The following CREB5 variants were observed in gnomAD, a reference collection of about 807,000 sequenced individuals.
The protein encoded by CREB5 is cyclic AMP-responsive element-binding protein 5.
CREB5 carries 19 observed loss-of-function variants against 57.1 expected under a neutral mutation model. The ratio of observed to expected loss-of-function variants is 0.33; its 90% confidence interval spans 0.23 to 0.49. CREB5 has a LOEUF of 0.49. Among genes scored for constraint, CREB5 ranks in the 20% least tolerant of loss-of-function variants. The probability of loss-of-function intolerance (pLI) is 0.99; values close to 1 mark genes in which losing one functional copy is unlikely to be tolerated. For synonymous variants in CREB5, 238 were observed against 238.3 expected (o/e 1.00, Z 0.01); for missense variants, 579 against 671.6 (o/e 0.86, Z 1.52).
At chr7:28,806,148 G>GA in intron 8 of CREB5, among the ~76,000 whole-genome samples, 1 of 152,256 alleles carries the variant, frequency 6.6e-6, no homozygotes, top group Non-Finnish European at 1.5e-5. Flanking sequence ...ACAATTCTTT[G>GA]AATATAAAAG....
intron 10 of CREB5, 46 bp downstream of exon 10, chr7:28,818,225 T>G: frequency 7.2e-7 from 1 of 1,394,440 alleles, no homozygotes; most frequent in Non-Finnish European, 1.0e-6. Context: ...CAATATTTTT[T>G]GCCACTAAGT....
intron 5 of CREB5, among the ~76,000 whole-genome samples, chr7:28,574,181 A>G (rs752863090): frequency 2.6e-5 from 4 of 152,218 alleles, no homozygotes; most frequent in Non-Finnish European, 5.9e-5. Context: ...AAAAAGAGTG[A>G]GCCATGGGCT....
At chr7:28,315,663 C>T (rs1302051676) in intron 1 of CREB5, among the ~76,000 whole-genome samples, 2 of 152,176 alleles carry the variant, frequency 1.3e-5, no homozygotes, top group Admixed American at 6.5e-5. Context: ...TGACCTCGTC[C>T]CGACGCGTTG....
intron 1 of CREB5, among the ~76,000 whole-genome samples, chr7:28,388,008 G>A (rs1787145352): frequency 6.6e-6 from 1 of 152,106 alleles, no homozygotes; most frequent in South Asian, 2.1e-4. Flanking sequence ...CAATCATGGA[G>A]CCTATTTCCT....
intron 5 of CREB5, among the ~76,000 whole-genome samples, chr7:28,640,360 A>G (rs75235966): frequency 0.015 from 2,285 of 152,342 alleles, 68 homozygotes; most frequent in African/African-American, 0.052. Context: ...CAAATGCCCA[A>G]AACACTATGA....
chr7:28,485,304 G>T (rs914390969), intron 1 of CREB5, among the ~76,000 whole-genome samples: 2 of 152,022 alleles, frequency 1.3e-5, no homozygotes, highest in African/African-American at 4.8e-5. Context: ...GGCCATAAAT[G>T]TGCGTATATG....
chr7:28,462,958 G>T (rs933996662), intron 1 of CREB5, among the ~76,000 whole-genome samples: 1 of 151,792 alleles, frequency 6.6e-6, no homozygotes, highest in African/African-American at 2.4e-5. Flanking sequence ...TTTTGTTGCT[G>T]GTACTTTTAG....
chr7:28,408,075 G>A (rs1787625346), upstream of CREB5, among the ~76,000 whole-genome samples: 1 of 152,200 alleles, frequency 6.6e-6, no homozygotes, highest in Admixed American at 6.5e-5. Context: ...GCTTACCCCT[G>A]GCTCTATGAA....
At chr7:28,522,395 T>TG in intron 4 of CREB5, among the ~76,000 whole-genome samples, 1 of 147,622 alleles carries the variant, frequency 6.8e-6, no homozygotes, top group South Asian at 2.2e-4. Flanking sequence ...TCTTTGTTTT[T>TG]TTTTTTTTTT....
Position 28,361,481 on chromosome 7 carries a change from A to C in CREB5, c.-25+62040A>C, listed in dbSNP as rs574219606. Among the ~76,000 whole-genome samples, 64 of 152,346 alleles carry C rather than the reference A, an allele frequency of 4.2e-4. 1 individual carries two copies. Among genetic ancestry groups the C allele is most frequent in the Non-Finnish European group, 3.4e-4 (23 of 68,016 alleles). On this transcript the variant is annotated intron_variant, in intron 1 of 9. Coordinates refer to the CREB5 transcript ENST00000396299. Reference sequence around the variant, plus strand: ...GAGGCCACATCCTTTTCCCTGCCCCAGCCCAGCTAGGTGGTGGGCATATGA... The same window carrying C: ...GAGGCCACATCCTTTTCCCTGCCCCCGCCCAGCTAGGTGGTGGGCATATGA...
chr7:28,664,684 C>T (rs1562558060), intron 5 of CREB5, among the ~76,000 whole-genome samples: 3 of 152,018 alleles, frequency 2.0e-5, no homozygotes, highest in South Asian at 2.1e-4. Flanking sequence ...TTCAGCATGC[C>T]GTCTGTTTTT....
chr7:28,536,987 C>G (rs1006458862), intron 4 of CREB5, among the ~76,000 whole-genome samples: 1 of 152,196 alleles, frequency 6.6e-6, no homozygotes, highest in Non-Finnish European at 1.5e-5. Context: ...ATTAGCTGTA[C>G]TGTACTAAGC....
chr7:28,439,551 C>G (rs11976600), intron 1 of CREB5, among the ~76,000 whole-genome samples: 38,538 of 152,080 alleles, frequency 0.25, 5,319 homozygotes, highest in Middle Eastern at 0.35. Flanking sequence ...TTATCAGCCC[C>G]AGTTTGCAGA....
chr7:28,619,701 CATGAAATAAAATAAGCCCACCTCTG>C (rs1406563056), intron 5 of CREB5, among the ~76,000 whole-genome samples: 1 of 152,118 alleles, frequency 6.6e-6, no homozygotes, highest in Non-Finnish European at 1.5e-5. Flanking sequence ...AACTATCATT[CATGAAATAAAATAAGCCCACCTCTG>C]TTACTCCAGG....
chr7:28,732,138 T>A (rs1193866565), intron 7 of CREB5, among the ~76,000 whole-genome samples: 1 of 152,024 alleles, frequency 6.6e-6, no homozygotes, highest in Non-Finnish European at 1.5e-5. Context: ...CCATCTTTTC[T>A]CTTGGCCCTA....
intron 4 of CREB5, among the ~76,000 whole-genome samples, chr7:28,512,647 CTG>C (rs746213187): frequency 0.016 from 1,184 of 75,280 alleles, 17 homozygotes; most frequent in African/African-American, 0.058. Flanking sequence ...CATATAATAA[CTG>C]TGTGTGTGTG....
chr7:28,566,567 G>A (rs529913362), intron 4 of CREB5, among the ~76,000 whole-genome samples: 51 of 152,214 alleles, frequency 3.4e-4, no homozygotes, highest in Admixed American at 1.1e-3. Flanking sequence ...GAGGTAAAAC[G>A]CTATTTCTTT....
intron 7 of CREB5, among the ~76,000 whole-genome samples, chr7:28,768,550 T>C (rs1239055363): frequency 6.6e-6 from 1 of 152,154 alleles, no homozygotes; most frequent in African/African-American, 2.4e-5. Flanking sequence ...GTGGAAGAAG[T>C]TGCTTTATAG....
intron 1 of CREB5, among the ~76,000 whole-genome samples, chr7:28,335,354 G>T (rs1418465473): frequency 6.6e-6 from 1 of 151,812 alleles, no homozygotes; most frequent in African/African-American, 2.4e-5. Context: ...ATTTTCTTCT[G>T]TCCTTTTTTA....
Sources: allele counts gnomAD v4.1 joint callset (sites outside exome capture counted in the v4.1 genomes callset), GRCh38; gene constraint gnomAD v4.1.1; transcripts MANE v1.5; gene names NCBI Gene and HGNC (gene_info 2026-07-23, HGNC 2026-07-21).